Variants in PRKN observed in about 807,000 individuals in gnomAD.
The protein encoded by PRKN is parkin RBR E3 ubiquitin protein ligase, also known as E3 ubiquitin-protein ligase parkin.
In PRKN, 56 loss-of-function variants were observed where a neutral mutation model predicts 59.5. The observed-to-expected ratio is 0.94, with a 90% confidence interval of 0.76 to 1.18. The LOEUF is 1.18. PRKN is among the 50% of genes most tolerant of loss of function. The pLI is 0.00. For missense variants in PRKN, 657 were observed against 596.4 expected, an observed-to-expected ratio of 1.10 and a Z score of -1.06; for synonymous variants, 250 against 222.1, an observed-to-expected ratio of 1.13 and a Z score of -1.12.
chr6:162,115,966 G>A (rs907908628), intron 4 of PRKN, among the ~76,000 whole-genome samples: 4 of 152,050 alleles, frequency 2.6e-5, no homozygotes, highest in Non-Finnish European at 4.4e-5. Context: ...TTTACTTCCC[G>A]TCTCTATAAA....
intron 6 of PRKN, among the ~76,000 whole-genome samples, chr6:161,862,609 A>G (rs1006348176): frequency 2.0e-5 from 3 of 149,436 alleles, no homozygotes; most frequent in African/African-American, 4.9e-5. Flanking sequence ...GTAACGGGGT[A>G]AAAAAAAAAG....
chr6:162,663,741 A>G (rs1467976221), intron 1 of PRKN, among the ~76,000 whole-genome samples: 2 of 152,148 alleles, frequency 1.3e-5, no homozygotes, highest in African/African-American at 4.8e-5. Context: ...TTGAAACAAA[A>G]CCAAAAACAA....
intron 4 of PRKN, among the ~76,000 whole-genome samples, chr6:162,153,816 C>A (rs1782380849): frequency 6.6e-6 from 1 of 152,122 alleles, no homozygotes; most frequent in South Asian, 2.1e-4. Context: ...TCACCTCTCC[C>A]CAATGTCCAG....
At chr6:162,443,859 T>C (rs10455910) in intron 1 of PRKN, among the ~76,000 whole-genome samples, 2 of 151,794 alleles carry the variant, frequency 1.3e-5, no homozygotes, top group African/African-American at 4.8e-5. Flanking sequence ...GTGACCCTCT[T>C]AATAAAAATA....
intron 1 of PRKN, among the ~76,000 whole-genome samples, chr6:162,581,491 T>C (rs1007997941): frequency 7.9e-5 from 12 of 152,264 alleles, no homozygotes; most frequent in Non-Finnish European, 2.9e-5. Flanking sequence ...CCAGGTGCGG[T>C]GGCTCACGCC....
At chr6:162,319,922 A>G (rs754252072) in intron 2 of PRKN, among the ~76,000 whole-genome samples, 5 of 151,944 alleles carry the variant, frequency 3.3e-5, no homozygotes, top group Non-Finnish European at 7.4e-5. Context: ...TATATAATAT[A>G]CATTGTACTC....
chr6:162,649,156 T>C (rs1291918317), intron 1 of PRKN, among the ~76,000 whole-genome samples: 1 of 152,124 alleles, frequency 6.6e-6, no homozygotes, highest in Non-Finnish European at 1.5e-5. Context: ...ACATACTAAA[T>C]CTCCGTCAAT....
rs186996442 is a variant in PRKN at position 162,023,536 on chromosome 6, G to C, written c.618+30555C>G. Among the ~76,000 whole-genome samples the C allele has an allele frequency of 3.2e-3, 488 of 152,098 alleles. 6 individuals are homozygous for C. The highest frequency in any genetic ancestry group is 0.011 in the African/African-American group (456 of 41,490). On this transcript the variant is annotated intron_variant, in intron 5 of 11. Coordinates refer to ENST00000366898, the MANE Select transcript of PRKN (RefSeq NM_004562.3). ...TGCTGGTCGCCTGCCGGTGTTTGTC[G>C]GTGTGCTCTTCTCCTAGCCTGCTCC...
Position 162,104,101 on chromosome 6 carries a change from A to G in PRKN, c.535-49927T>C, listed in dbSNP as rs551489881. ...GGGAAGCCAGGCTGCCTGGGTTTCA[A>G]TCTCAGCTCTACCACTTACTGCATG... On this transcript the variant is annotated intron_variant, in intron 4 of 11. Coordinates refer to ENST00000366898, the MANE Select transcript of PRKN (RefSeq NM_004562.3). 4.6e-5 allele frequency among the ~76,000 whole-genome samples: 7 copies of G among 152,256 alleles called. No individual in the cohort carries two copies. The East Asian group carries it at 5.8e-4, about 13-fold the overall frequency.
At chr6:162,117,922 C>T (rs1475091313) in intron 4 of PRKN, among the ~76,000 whole-genome samples, 1 of 151,832 alleles carries the variant, frequency 6.6e-6, no homozygotes, top group Non-Finnish European at 1.5e-5. Flanking sequence ...CGTGGGGAAA[C>T]CTTGTCTCTA....
chr6:161,904,309 GTTTTTTTTTT>G (rs1025317025), intron 6 of PRKN, among the ~76,000 whole-genome samples: 1 of 72,556 alleles, frequency 1.4e-5, no homozygotes. Flanking sequence ...AATTTGTGGG[GTTTTTTTTTT>G]TTTTTTTTTT....
intron 6 of PRKN, among the ~76,000 whole-genome samples, chr6:161,925,300 G>A (rs1469105937): frequency 6.6e-6 from 1 of 152,108 alleles, no homozygotes; most frequent in African/African-American, 2.4e-5. Context: ...GGTCAGGTGC[G>A]GTGGTTCAGG....
intron 9 of PRKN, among the ~76,000 whole-genome samples, chr6:161,412,847 ACTCACTCATTCTTTC>A (rs1167126389): frequency 1.5e-5 from 2 of 136,208 alleles, no homozygotes; most frequent in South Asian, 4.7e-4. Context: ...TCATTCCTCC[ACTCACTCATTCTTTC>A]CTCACTCATT....
chr6:162,615,265 AT>A (rs922180858), intron 1 of PRKN, among the ~76,000 whole-genome samples: 1 of 151,878 alleles, frequency 6.6e-6, no homozygotes, highest in African/African-American at 2.4e-5. Context: ...GTTTTGGCTT[AT>A]TTTTTTTGAT....
At chr6:162,722,781 T>C (rs1332269482) in intron 1 of PRKN, among the ~76,000 whole-genome samples, 1 of 152,152 alleles carries the variant, frequency 6.6e-6, no homozygotes, top group Non-Finnish European at 1.5e-5. Context: ...GCAATGAAAC[T>C]ATGAGGTTTC....
At chr6:162,197,251 A>G (rs992226781) in intron 4 of PRKN, among the ~76,000 whole-genome samples, 2 of 152,214 alleles carry the variant, frequency 1.3e-5, no homozygotes, top group Admixed American at 1.3e-4. Flanking sequence ...TGCAAAGCCT[A>G]AATTTGCTGG....
chr6:162,363,697 G>A (rs1389031157), intron 2 of PRKN, among the ~76,000 whole-genome samples: 7 of 152,068 alleles, frequency 4.6e-5, no homozygotes, highest in Non-Finnish European at 1.0e-4. Context: ...GCATGACTAC[G>A]TTAACAGGAT....
intron 4 of PRKN, among the ~76,000 whole-genome samples, chr6:162,103,030 G>A (rs371946905): frequency 3.6e-5 from 5 of 140,168 alleles, no homozygotes; most frequent in African/African-American, 1.4e-4. Flanking sequence ...GCGAAAGAGC[G>A]AGACTCTGTC....
At chr6:161,370,123 C>G (rs1488080787) in intron 10 of PRKN, 2 of 262,606 alleles carry the variant, frequency 7.6e-6, no homozygotes, top group African/African-American at 4.3e-5. Context: ...CCTGGATTGG[C>G]CTTAAATCTC....
Sources: allele counts gnomAD v4.1 joint callset (sites outside exome capture counted in the v4.1 genomes callset), GRCh38; gene constraint gnomAD v4.1.1; transcripts MANE v1.5; gene names NCBI Gene and HGNC (gene_info 2026-07-23, HGNC 2026-07-21).